The following BNIP5 variants were observed in gnomAD, a reference collection of about 807,000 sequenced individuals.
BNIP5 encodes BCL2 interacting protein 5.
In BNIP5, 61 loss-of-function variants were observed where a neutral mutation model predicts 67.3. The ratio of observed to expected loss-of-function variants is 0.91; its 90% CI spans 0.74 to 1.12. The LOEUF (loss-of-function observed/expected upper bound fraction) is 1.12, where lower values mean the gene tolerates loss of function less well. Ranked by LOEUF, BNIP5 falls within the 50% of genes most tolerant of loss-of-function variation. The probability of loss-of-function intolerance (pLI) is 0.00; values close to 1 mark genes in which losing one functional copy is unlikely to be tolerated. For synonymous variants in BNIP5, 317 were observed against 319.0 expected (o/e 0.99, Z 0.07); for missense variants, 826 against 816.3 (o/e 1.01, Z -0.14).
At chr6:36,328,204 C>A (rs1044547897) in intron 3 of BNIP5, among the ~76,000 whole-genome samples, 7 of 152,242 alleles carry the variant, frequency 4.6e-5, no homozygotes, top group Non-Finnish European at 8.8e-5. Context: ...GATACCCACA[C>A]AAAGCAAACT....
chr6:36,321,783 C>T (rs1184506031), intron 9 of BNIP5, among the ~76,000 whole-genome samples: 1 of 152,258 alleles, frequency 6.6e-6, no homozygotes. Context: ...TCTCGCCTCA[C>T]TGCAACCTCG....
chr6:36,321,714 G>GT (rs1771639263), intron 9 of BNIP5, among the ~76,000 whole-genome samples: 1 of 152,190 alleles, frequency 6.6e-6, no homozygotes, highest in Admixed American at 6.5e-5. Flanking sequence ...TTGTGGACTA[G>GT]TTGTTTTGTT....
At chr6:36,318,756 G>A (rs529452625) in intron 11 of BNIP5, among the ~76,000 whole-genome samples, 19 of 152,102 alleles carry the variant, frequency 1.2e-4, no homozygotes, top group Non-Finnish European at 2.4e-4. Flanking sequence ...CATCTCTGAA[G>A]GGAATATCTC....
chr6:36,319,517 G>A lies in BNIP5; in HGVS notation c.1762C>T (p.His588Tyr), dbSNP rs141156956. ...CGGTTCCTGTCCAGCTTAGAGGAGT[G>A]AGCCACCTGGCTGCGCAGGGTGGCT... is the stretch of plus-strand genomic sequence containing the variant. Reference protein sequence around the residue: ...LVATLRSQVAHSSKLDRNRAR... With the variant: ...LVATLRSQVAYSSKLDRNRAR... Residue 588 changes from histidine (H) to tyrosine (Y), a missense_variant, in exon 11 of 12, where the codon CAC (histidine) becomes TAC (tyrosine). His to Tyr is a moderately conservative substitution (Grantham distance 83). Coordinates refer to ENST00000437635, the MANE Select transcript of BNIP5 (RefSeq NM_001010903.5). The A allele has an allele frequency of 2.3e-3, 3,782 of 1,614,210 alleles. 82 individuals are homozygous for A. The South Asian group carries it at 0.031, about 13-fold the overall frequency.
At chr6:36,328,026 GC>G (rs1771803562) in intron 3 of BNIP5, among the ~76,000 whole-genome samples, 1 of 152,126 alleles carries the variant, frequency 6.6e-6, no homozygotes, top group Non-Finnish European at 1.5e-5. Context: ...GCTAAAATAT[GC>G]TCATCTTTTT....
chr6:36,322,327 A>G lies in BNIP5; in HGVS notation c.1587T>C (p.Ser529=). 1.9e-6 allele frequency: 3 copies of G among 1,614,052 alleles called. No individual in the cohort carries two copies. The highest frequency in any genetic ancestry group is 2.5e-6 in the Non-Finnish European group (3 of 1,179,998). ...GHTPEGAPQL[S]GACESKEIII... Reference sequence around the variant, plus strand: ...GTTACTGACTAGATTCACATGCTCCACTCAGCTGAGGTGCCCCTTCTGGCG... The same window carrying G: ...GTTACTGACTAGATTCACATGCTCCGCTCAGCTGAGGTGCCCCTTCTGGCG... Residue 529 remains serine, a synonymous_variant, in exon 9 of 12, where the codon AGT becomes AGC. Transcript: ENST00000437635.
chr6:36,324,393 AGGAGGCCCCTCAG>A (rs1395094777), intron 6 of BNIP5, among the ~76,000 whole-genome samples: 3 of 150,824 alleles, frequency 2.0e-5, no homozygotes, highest in Non-Finnish European at 4.4e-5. Context: ...GACACCCAGG[AGGAGGCCCCTCAG>A]GGCCATCTGG....
At chr6:36,320,849 G>A (rs569691713) in intron 10 of BNIP5, among the ~76,000 whole-genome samples, 4 of 152,198 alleles carry the variant, frequency 2.6e-5, no homozygotes. Context: ...TTCCAAGGAC[G>A]GGGGACATGA....
chr6:36,327,180 A>G (rs1771784596), intron 3 of BNIP5, 86 bp from the exon 4 acceptor site: 6 of 1,220,596 alleles, frequency 4.9e-6, no homozygotes, highest in Non-Finnish European at 7.2e-6. Flanking sequence ...GTTCTCTTAA[A>G]CAACTCTTTA....
Position 36,330,253 on chromosome 6 carries a change from C to T in BNIP5, c.438G>A (p.Lys146=), listed in dbSNP as rs1246968335. The T allele has an allele frequency of 1.9e-6, 3 of 1,614,082 alleles. No individual in the cohort carries two copies. Among genetic ancestry groups the T allele is most frequent in the Non-Finnish European group, 2.5e-6 (3 of 1,180,042 alleles). Residue 146 remains lysine, a synonymous_variant, in exon 2 of 12, where the codon AAG becomes AAA. Transcript: ENST00000437635. ...LEAAGEPALR[K]KAHHDKKPSR... is the part of the protein sequence containing the mutation. ...TGGGCTTCTTGTCGTGGTGGGCTTT[C>T]TTCCTGAGGGCTGGCTCCCCTGCTG...
At chr6:36,334,414 C>T (rs1771970957) in intron 1 of BNIP5, among the ~76,000 whole-genome samples, 1 of 152,176 alleles carries the variant, frequency 6.6e-6, no homozygotes, top group Non-Finnish European at 1.5e-5. Context: ...CATGTCTTGT[C>T]CTCCCTTACG....
At chr6:36,335,061 TG>T (rs1455021460) in intron 1 of BNIP5, among the ~76,000 whole-genome samples, 1 of 152,180 alleles carries the variant, frequency 6.6e-6, no homozygotes, top group Non-Finnish European at 1.5e-5. Flanking sequence ...TGATAAGATG[TG>T]ACATTTACCG....
rs1175779727 is a variant in BNIP5 at position 36,325,363 on chromosome 6, G to A, written c.1088C>T (p.Pro363Leu). The change falls in exon 6 of 12, where the codon CCA becomes CTA. Residue 363 changes from proline to leucine, a missense_variant. Pro to Leu is a moderately conservative substitution (Grantham distance 98). Coordinates refer to ENST00000437635, the MANE Select transcript of BNIP5 (RefSeq NM_001010903.5). ...TGGGGTGGGAAGCACGGAGGGACCT[G>A]GAGCCCCAGCCTCTGTAGATGGGGC... Reference protein sequence around the residue: ...QEAPSTEAGAPGPSVLPTPSE... With the variant: ...QEAPSTEAGALGPSVLPTPSE... 2.5e-6 allele frequency: 4 copies of A among 1,614,032 alleles called. No individual in the cohort carries two copies. In the East Asian group the frequency reaches 6.7e-5, roughly 27 times the overall value.
chr6:36,327,044 GGT>G lies in BNIP5; in HGVS notation c.776_777del (p.Asp259AlafsTer24). 1 of 1,613,982 alleles carries G rather than the reference GGT, an allele frequency of 6.2e-7. No homozygotes were observed. Among genetic ancestry groups the G allele is most frequent in the Non-Finnish European group, 8.5e-7 (1 of 1,179,870 alleles). ...MIVELLKRVG[D>X]QWEEEQSLAS... is the part of the protein sequence containing the mutation. ...TTACTCCTCACCTCTTCTTCCCACT[GGT>G]CTCCCACTCTTTTGAGCAATTCCAC... On this transcript the variant is annotated frameshift_variant, in exon 4 of 12. Coordinates refer to ENST00000437635, the MANE Select transcript of BNIP5 (RefSeq NM_001010903.5). LOFTEE classifies it high-confidence loss of function.
intron 7 of BNIP5, 123 bp downstream of exon 7, chr6:36,324,000 CAAAAAA>C (rs35557075): frequency 8.4e-6 from 5 of 597,060 alleles, no homozygotes; most frequent in African/African-American, 2.2e-5. Flanking sequence ...ACTCCGTCTC[CAAAAAA>C]AAAAAAAAAG....
chr6:36,326,473 C>T (rs1771762678), intron 5 of BNIP5, 37 bp downstream of exon 5: 2 of 1,611,960 alleles, frequency 1.2e-6, no homozygotes, highest in South Asian at 2.2e-5. Flanking sequence ...CTGGAGGCAG[C>T]TGCAGGGTTG....
At chr6:36,333,996 G>A (rs1001768091) in intron 1 of BNIP5, among the ~76,000 whole-genome samples, 6 of 152,158 alleles carry the variant, frequency 3.9e-5, no homozygotes, top group Admixed American at 2.0e-4. Context: ...ACGGAGGACC[G>A]GCGCTTCCTT....
chr6:36,328,060 G>A (rs1314605256), intron 3 of BNIP5, among the ~76,000 whole-genome samples: 1 of 152,058 alleles, frequency 6.6e-6, no homozygotes, highest in East Asian at 1.9e-4. Context: ...GATGAATAGG[G>A]GATTATGCTC....
In BNIP5 at chr6:36,326,831, A is replaced by G. The variant is rs550641464; in HGVS notation, c.793-78T>C. 378 of 1,591,250 alleles carry G rather than the reference A, an allele frequency of 2.4e-4. 1 individual carries two copies. Among genetic ancestry groups the G allele is most frequent in the Middle Eastern group, 1.8e-3 (10 of 5,666 alleles). On this transcript the variant is annotated intron_variant, in intron 4 of 11. Coordinates refer to ENST00000437635, the MANE Select transcript of BNIP5 (RefSeq NM_001010903.5). ...AGCTCTCTGGAGGCAAGTGAAGAGC[A>G]GCCAAGCTGCAAGATGGCCCCGAGA...
Sources: gnomAD v4.1 joint callset for allele counts (sites outside exome capture counted in the v4.1 genomes callset) on GRCh38, gnomAD v4.1.1 for gene constraint, MANE v1.5 for transcripts, NCBI Gene and HGNC (gene_info 2026-07-23, HGNC 2026-07-21) for gene names.